The following RBFOX1 variants were observed in gnomAD, a reference collection of about 807,000 sequenced individuals.
RBFOX1 encodes the protein RNA binding protein fox-1 homolog 1.
RBFOX1 carries 8 observed loss-of-function variants against 57.7 expected under a neutral mutation model. The ratio of observed to expected loss-of-function variants is 0.14; its 90% CI spans 0.08 to 0.25. The LOEUF (loss-of-function observed/expected upper bound fraction) is 0.25. Among genes scored for constraint, RBFOX1 ranks in the 10% least tolerant of loss-of-function variants. RBFOX1 has a pLI of 1.00. For synonymous variants in RBFOX1, 326 were observed against 222.4 expected, an observed-to-expected ratio of 1.47 and a Z score of -4.15; for missense variants, 611 against 548.5, an observed-to-expected ratio of 1.11 and a Z score of -1.14.
chr16:6,006,494 AC>A (rs1331758991), intron 4 of RBFOX1, among the ~76,000 whole-genome samples: 4 of 152,244 alleles, frequency 2.6e-5, no homozygotes, highest in African/African-American at 9.6e-5. Context: ...GAACCTGCCA[AC>A]GTGGACCATG....
chr16:5,842,786 T>C (rs561792985), intron 3 of RBFOX1, among the ~76,000 whole-genome samples: 1 of 152,262 alleles, frequency 6.6e-6, no homozygotes, highest in East Asian at 1.9e-4. Flanking sequence ...ACCAATCGCT[T>C]TGACCACATT....
chr16:7,371,685 G>T (rs187725746), intron 4 of RBFOX1, among the ~76,000 whole-genome samples: 1 of 152,286 alleles, frequency 6.6e-6, no homozygotes, highest in African/African-American at 2.4e-5. Flanking sequence ...ATGGGGCGGA[G>T]GTTGCAGTGA....
intron 2 of RBFOX1, among the ~76,000 whole-genome samples, chr16:6,402,385 C>G (rs891957640): frequency 2.0e-5 from 3 of 152,112 alleles, no homozygotes; most frequent in African/African-American, 7.2e-5. Context: ...TGTTCTTTTC[C>G]AAACAAAATA....
chr16:6,413,156 C>T (rs1332528640), intron 2 of RBFOX1, among the ~76,000 whole-genome samples: 1 of 151,996 alleles, frequency 6.6e-6, no homozygotes, highest in Non-Finnish European at 1.5e-5. Context: ...CCTGTCTCTA[C>T]TAAAAATACA....
chr16:5,245,140 C>T lies in RBFOX1; in HGVS notation c.219+5035C>T, dbSNP rs555127425. On this transcript the variant is annotated intron_variant, in intron 1 of 2. Transcript: ENST00000585867. The stretch of plus-strand genomic sequence containing the variant: ...ATGAGTTGGAGGCTGGGACAGGGGT[C>T]CCTGCCAGGGATGCAGGCGAGTCAC... Among the ~76,000 whole-genome samples, 197 of 152,234 alleles carry T rather than the reference C, an allele frequency of 1.3e-3. 2 individuals carry two copies. Among genetic ancestry groups the T allele is most frequent in the Non-Finnish European group, 2.1e-4 (14 of 68,010 alleles).
At chr16:6,918,601 T>C (rs1041010508) in intron 3 of RBFOX1, among the ~76,000 whole-genome samples, 1 of 152,192 alleles carries the variant, frequency 6.6e-6, no homozygotes, top group African/African-American at 2.4e-5. Flanking sequence ...AAATGAATTA[T>C]TTATCTTACC....
chr16:7,147,543 C>G (rs1041736689), intron 4 of RBFOX1, among the ~76,000 whole-genome samples: 1 of 152,078 alleles, frequency 6.6e-6, no homozygotes, highest in Non-Finnish European at 1.5e-5. Context: ...ATGGTTAGCT[C>G]CCACTTACAA....
chr16:7,090,884 ACAACCTCCCTT>A (rs2151105045), intron 4 of RBFOX1, among the ~76,000 whole-genome samples: 2 of 84,726 alleles, frequency 2.4e-5, no homozygotes, highest in African/African-American at 8.2e-5. Context: ...CTTGACCAGC[ACAACCTCCCTT>A]GACCAGCACA....
chr16:7,511,068 C>G (rs543103502), intron 4 of RBFOX1, among the ~76,000 whole-genome samples: 2 of 152,130 alleles, frequency 1.3e-5, no homozygotes, highest in African/African-American at 4.8e-5. Context: ...CACACACATA[C>G]CCACACAGGA....
chr16:6,661,537 G>A (rs765930381), intron 3 of RBFOX1, among the ~76,000 whole-genome samples: 7 of 152,158 alleles, frequency 4.6e-5, no homozygotes, highest in Non-Finnish European at 8.8e-5. Context: ...ACTGTATGGG[G>A]CCAGAGTTAC....
rs976951912 is a variant in RBFOX1 at position 7,538,066 on chromosome 16, G to A, written c.270+19677G>A. Reference sequence around the variant, plus strand: ...GAGTGAGAAATCAATGGAGGTACCCGCAGAGTGATCAGCTCTGGGTTAGAC... The same window carrying A: ...GAGTGAGAAATCAATGGAGGTACCCACAGAGTGATCAGCTCTGGGTTAGAC... On this transcript the variant is annotated intron_variant, in intron 5 of 15. Coordinates refer to ENST00000550418, the MANE Select transcript of RBFOX1 (RefSeq NM_018723.4). Among the ~76,000 whole-genome samples, 8 of 152,302 alleles carry A rather than the reference G, an allele frequency of 5.3e-5. No homozygotes were observed. The South Asian group carries it at 6.2e-4, about 12-fold the overall frequency.
chr16:6,617,525 G>C (rs190117055), intron 2 of RBFOX1, among the ~76,000 whole-genome samples: 147 of 152,104 alleles, frequency 9.7e-4, no homozygotes, highest in Non-Finnish European at 1.8e-3. Flanking sequence ...GGACCCTATA[G>C]AGATGAGATC....
intron 4 of RBFOX1, among the ~76,000 whole-genome samples, chr16:7,092,330 A>G (rs1398054937): frequency 6.6e-6 from 1 of 152,230 alleles, no homozygotes; most frequent in Admixed American, 6.5e-5. Context: ...TCCATTTCAG[A>G]TACATTAAAA....
At chr16:6,492,421 T>A (rs2095653967) in intron 2 of RBFOX1, among the ~76,000 whole-genome samples, 2 of 152,072 alleles carry the variant, frequency 1.3e-5, no homozygotes, top group Admixed American at 6.5e-5. Context: ...TACAAAAATT[T>A]GCCAGGCTTG....
rs563632487 is a variant in RBFOX1, at chr16:6,351,761, A to G, written c.-64+34704A>G. ...ACATATATGTTTGAATTGTATTCTC[A>G]TATATTAAATACATGTTATTTCAGA... On this transcript the variant is annotated intron_variant, in intron 2 of 15. Coordinates refer to ENST00000550418, the MANE Select transcript of RBFOX1 (RefSeq NM_018723.4). Among the ~76,000 whole-genome samples, 9 of 152,326 alleles carry G rather than the reference A, an allele frequency of 5.9e-5. 1 individual carries two copies. Among genetic ancestry groups the G allele is most frequent in the African/African-American group, 2.2e-4 (9 of 41,574 alleles).
At chr16:6,478,427 A>ATTTTT (rs1457956625) in intron 2 of RBFOX1, among the ~76,000 whole-genome samples, 43 of 12,710 alleles carry the variant, frequency 3.4e-3, no homozygotes, top group Admixed American at 9.0e-3. Flanking sequence ...ATATATATAT[A>ATTTTT]TATTTTTTTT....
chr16:6,280,629 A>G (rs1026374934), intron 1 of RBFOX1, among the ~76,000 whole-genome samples: 4 of 152,158 alleles, frequency 2.6e-5, no homozygotes, highest in Non-Finnish European at 5.9e-5. Context: ...GGCATTATTT[A>G]GCCCCACGAG....
At chr16:7,222,986 C>T (rs2092839154) in intron 4 of RBFOX1, among the ~76,000 whole-genome samples, 1 of 152,180 alleles carries the variant, frequency 6.6e-6, no homozygotes, top group Non-Finnish European at 1.5e-5. Context: ...AACATCTGGG[C>T]TGCATGGTCA....
At chr16:6,076,399 G>C (rs1243663620) in intron 1 of RBFOX1, among the ~76,000 whole-genome samples, 1 of 151,906 alleles carries the variant, frequency 6.6e-6, no homozygotes, top group African/African-American at 2.4e-5. Flanking sequence ...TTAACTGTTT[G>C]ACCTTCGGTA....
Sources: allele counts gnomAD v4.1 joint callset (sites outside exome capture counted in the v4.1 genomes callset), GRCh38; gene constraint gnomAD v4.1.1; transcripts MANE v1.5; gene names NCBI Gene and HGNC (gene_info 2026-07-23, HGNC 2026-07-21).